Variants in KLHL5 observed in about 807,000 individuals in gnomAD.
KLHL5 encodes kelch-like protein 5.
A neutral mutation model predicts 77.7 loss-of-function variants in KLHL5; 48 were observed. The ratio of observed to expected loss-of-function variants is 0.62; its 90% CI spans 0.49 to 0.79. The LOEUF (loss-of-function observed/expected upper bound fraction) is 0.79. Ranked by LOEUF, KLHL5 falls within the 30% of genes least tolerant of loss-of-function variation. The pLI is 0.00. For synonymous variants in KLHL5, 260 were observed against 297.0 expected, an observed-to-expected ratio of 0.88 and a Z score of 1.28; for missense variants, 723 against 859.7, an observed-to-expected ratio of 0.84 and a Z score of 1.99.
upstream of KLHL5, among the ~76,000 whole-genome samples, chr4:39,061,241 A>G (rs1367302): frequency 0.72 from 110,161 of 152,042 alleles, 40,095 homozygotes; most frequent in East Asian, 0.82. Flanking sequence ...GTATTAAGAT[A>G]GACACCTCAC....
At chr4:39,098,625 A>G (rs1346596668) in intron 6 of KLHL5, among the ~76,000 whole-genome samples, 2 of 147,350 alleles carry the variant, frequency 1.4e-5, no homozygotes, top group African/African-American at 2.5e-5. Flanking sequence ...GTGCAGTGGC[A>G]TGATCTCGGC....
chr4:39,059,056 G>A (rs960740106), upstream of KLHL5, among the ~76,000 whole-genome samples: 8 of 152,156 alleles, frequency 5.3e-5, no homozygotes, highest in East Asian at 1.9e-4. Context: ...TTTTTAATAC[G>A]TATTGATCGT....
At chr4:39,079,195 C>T (rs1719379534) in intron 2 of KLHL5, among the ~76,000 whole-genome samples, 1 of 152,196 alleles carries the variant, frequency 6.6e-6, no homozygotes, top group African/African-American at 2.4e-5. Context: ...AAAAGCCTCC[C>T]AACTGGTCTC....
chr4:39,091,724 G>A (rs1401541863), intron 5 of KLHL5, among the ~76,000 whole-genome samples: 1 of 147,766 alleles, frequency 6.8e-6, no homozygotes, highest in Non-Finnish European at 1.5e-5. Flanking sequence ...AGGCTTGAGT[G>A]TAGTGGCACA....
At position 39,062,605 on chromosome 4, in the gene KLHL5, G is replaced by A. The variant is rs1453022487; in HGVS notation, c.-48G>A. On this transcript the variant is annotated 5_prime_UTR_variant, in exon 1 of 11. Coordinates refer to ENST00000504108, the MANE Select transcript of KLHL5 (RefSeq NM_015990.5). ...CTTGGTTGGATGCACAAATCTGTGT[G>A]CAGTGCTTTTTGCCCGTTGCCTAGA... 1 of 1,614,138 alleles carries A rather than the reference G, an allele frequency of 6.2e-7. No individual in the cohort carries two copies. Among genetic ancestry groups the A allele is most frequent in the East Asian group, 2.2e-5 (1 of 44,884 alleles).
In KLHL5 at chr4:39,121,135, T is replaced by C. The variant is rs1723186063; in HGVS notation, c.*69T>C. The C allele has an allele frequency of 1.7e-6, 2 of 1,175,356 alleles. No individual in the cohort carries two copies. The highest frequency in any genetic ancestry group is 2.5e-6 in the Non-Finnish European group (2 of 787,936). The allele number at this position is 1,175,356 out of a possible 1,614,324, so 72.8% of individuals were successfully genotyped here. A position where few individuals can be genotyped will look rare whatever the true frequency, so the allele number is the denominator to read the frequency against. ...TAATTTAGTATAATTATTCTATCAA[T>C]GGATACATTTTTAGTAAATGTGCAT... is the stretch of plus-strand genomic sequence containing the variant. On this transcript the variant is annotated 3_prime_UTR_variant, in exon 11 of 11. Coordinates refer to ENST00000504108, the MANE Select transcript of KLHL5 (RefSeq NM_015990.5).
In KLHL5 at chr4:39,124,845, A is replaced by G. The variant is rs571116490; in HGVS notation, c.*3779A>G. Among the ~76,000 whole-genome samples the G allele has an allele frequency of 2.7e-5, 4 of 147,898 alleles. No individual in the cohort carries two copies. Among genetic ancestry groups the G allele is most frequent in the African/African-American group, 7.3e-5 (3 of 40,864 alleles). ...AAAAAAATCAAAATTAAAAGCTTCT[A>G]CATATCAAGGGACACTATGAAGAAA... On this transcript the variant is annotated 3_prime_UTR_variant, in exon 11 of 11. Coordinates refer to ENST00000504108, the MANE Select transcript of KLHL5 (RefSeq NM_015990.5).
chr4:39,086,818 T>C, intron 5 of KLHL5, 91 bp downstream of exon 5: 2 of 944,494 alleles, frequency 2.1e-6, no homozygotes, highest in Non-Finnish European at 1.6e-6. Context: ...AACGTGTAGG[T>C]GAAAAGATAG....
chr4:39,066,115 A>G (rs1717876326), intron 1 of KLHL5, among the ~76,000 whole-genome samples: 1 of 152,224 alleles, frequency 6.6e-6, no homozygotes, highest in Admixed American at 6.5e-5. Flanking sequence ...TCTGTAGCCT[A>G]GCTACCTTTT....
intron 2 of KLHL5, 51 bp downstream of exon 2, chr4:39,076,198 A>G: frequency 6.6e-7 from 1 of 1,507,502 alleles, no homozygotes; most frequent in Non-Finnish European, 9.0e-7. Context: ...TCGGTAATTT[A>G]GATATGTATA....
At chr4:39,141,304 C>CTTTTTTTTTTTTTTTTTTTTT in the KLHL5 span, among the ~76,000 whole-genome samples, 1 of 75,626 alleles carries the variant, frequency 1.3e-5, no homozygotes, top group African/African-American at 4.9e-5. Flanking sequence ...ATTTTTTAGT[C>CTTTTTTTTTTTTTTTTTTTTT]TTTTTTTTTT....
intron 10 of KLHL5, among the ~76,000 whole-genome samples, chr4:39,116,491 A>C (rs1722852918): frequency 6.6e-6 from 1 of 152,126 alleles, no homozygotes; most frequent in African/African-American, 2.4e-5. Flanking sequence ...TACGGGAGAT[A>C]AGAGAGAAAA....
chr4:39,065,569 G>A (rs1198177868), intron 1 of KLHL5, among the ~76,000 whole-genome samples: 1 of 151,976 alleles, frequency 6.6e-6, no homozygotes, highest in African/African-American at 2.4e-5. Context: ...GGCCAGGCTG[G>A]TCTTGAACTC....
chr4:39,083,252 G>A (rs893618242), intron 4 of KLHL5, among the ~76,000 whole-genome samples: 6 of 152,158 alleles, frequency 3.9e-5, no homozygotes, highest in African/African-American at 1.4e-4. Flanking sequence ...AGCTTGGTGT[G>A]AGGATTAGAT....
At chr4:39,138,498 A>C in the KLHL5 span, among the ~76,000 whole-genome samples, 1 of 152,208 alleles carries the variant, frequency 6.6e-6, no homozygotes, top group African/African-American at 2.4e-5. Flanking sequence ...AAACTAACAC[A>C]GGAACAGAAA....
chr4:39,141,580 G>C, the KLHL5 span, among the ~76,000 whole-genome samples: 1 of 151,892 alleles, frequency 6.6e-6, no homozygotes, highest in Non-Finnish European at 1.5e-5. Flanking sequence ...CAAAGTGCTG[G>C]GATTACAGGC....
Position 39,121,081 on chromosome 4 carries a change from T to G in KLHL5, c.*15T>G, listed in dbSNP as rs1376532009. On this transcript the variant is annotated 3_prime_UTR_variant, in exon 11 of 11. Coordinates refer to ENST00000504108, the MANE Select transcript of KLHL5 (RefSeq NM_015990.5). ...TAAAATTATAATTTAGTGCCCCGTT[T>G]TCTACATGAAGACACCGTCTTCCTT... The G allele has an allele frequency of 1.3e-6, 2 of 1,578,196 alleles. No individual in the cohort carries two copies. Among genetic ancestry groups the G allele is most frequent in the Non-Finnish European group, 1.7e-6 (2 of 1,147,258 alleles).
At chr4:39,078,739 A>T (rs1719327934) in intron 2 of KLHL5, among the ~76,000 whole-genome samples, 1 of 151,970 alleles carries the variant, frequency 6.6e-6, no homozygotes, top group African/African-American at 2.4e-5. Flanking sequence ...GACTTTGGGG[A>T]CTTGGGGGAA....
At chr4:39,060,241 T>A (rs1254924028), upstream of KLHL5, among the ~76,000 whole-genome samples, 1 of 152,172 alleles carries the variant, frequency 6.6e-6, no homozygotes, top group African/African-American at 2.4e-5. Context: ...GTATATAAGT[T>A]TGTCCATGAT....
Sources: gnomAD v4.1 joint callset for allele counts (sites outside exome capture counted in the v4.1 genomes callset) on GRCh38, gnomAD v4.1.1 for gene constraint, MANE v1.5 for transcripts, NCBI Gene and HGNC (gene_info 2026-07-23, HGNC 2026-07-21) for gene names.